The following DYSF variants were observed in gnomAD, a reference collection of about 807,000 sequenced individuals.
DYSF encodes the protein dystrophy-associated fer-1-like 1.
A neutral mutation model predicts 274.9 loss-of-function variants in DYSF; 212 were observed. The ratio of observed to expected loss-of-function variants is 0.77; its 90% CI spans 0.69 to 0.86. The LOEUF (loss-of-function observed/expected upper bound fraction) is 0.86. DYSF is among the 40% of genes least tolerant of loss of function. DYSF has a pLI of 0.00. For synonymous variants in DYSF, 1,091 were observed against 1,078.7 expected (o/e 1.01, Z -0.22); for missense variants, 2,666 against 2,783.2 (o/e 0.96, Z 0.95).
intron 33 of DYSF, 85 bp downstream of exon 33, chr2:71,598,830 A>G (rs1274409607): frequency 6.6e-7 from 1 of 1,521,524 alleles, no homozygotes; most frequent in African/African-American, 1.4e-5. Flanking sequence ...GTGGCTGCCC[A>G]GCCAGATGGG....
intron 41 of DYSF, among the ~76,000 whole-genome samples, chr2:71,638,547 T>G (rs2094441192): frequency 6.6e-6 from 1 of 152,240 alleles, no homozygotes; most frequent in Admixed American, 6.5e-5. Context: ...TATATTTGCC[T>G]ATTCTGGAGC....
intron 42 of DYSF, among the ~76,000 whole-genome samples, chr2:71,646,837 A>T (rs2094574497): frequency 6.6e-6 from 1 of 152,250 alleles, no homozygotes. Flanking sequence ...TAAAAGACAC[A>T]TCTAAAACAA....
chr2:71,592,512 C>A (rs543233587), intron 32 of DYSF, among the ~76,000 whole-genome samples: 12 of 152,256 alleles, frequency 7.9e-5, no homozygotes, highest in Non-Finnish European at 1.6e-4. Flanking sequence ...TAAACCAAAG[C>A]AATTTCTCCC....
chr2:71,541,662 A>G (rs2089941446), intron 17 of DYSF, among the ~76,000 whole-genome samples: 1 of 152,056 alleles, frequency 6.6e-6, no homozygotes, highest in Non-Finnish European at 1.5e-5. Flanking sequence ...TCTTATTTAA[A>G]TAATGAAAGT....
chr2:71,572,834 G>A (rs549847453), intron 29 of DYSF, among the ~76,000 whole-genome samples: 2 of 152,296 alleles, frequency 1.3e-5, no homozygotes, highest in South Asian at 2.1e-4. Flanking sequence ...GGATGGGTGC[G>A]CCACACGTGT....
intron 3 of DYSF, among the ~76,000 whole-genome samples, chr2:71,500,954 G>A (rs866469678): frequency 3.3e-5 from 5 of 152,212 alleles, no homozygotes; most frequent in Non-Finnish European, 5.9e-5. Flanking sequence ...CTCTGATGTC[G>A]CATGGACTCA....
At chr2:71,613,621 T>C (rs1413307625) in intron 40 of DYSF, among the ~76,000 whole-genome samples, 1 of 152,272 alleles carries the variant, frequency 6.6e-6, no homozygotes, top group Non-Finnish European at 1.5e-5. Context: ...TGGGCAAGAC[T>C]CAATCCCTTT....
intron 14 of DYSF, among the ~76,000 whole-genome samples, chr2:71,534,188 T>A (rs2089057495): frequency 6.6e-6 from 1 of 152,194 alleles, no homozygotes; most frequent in African/African-American, 2.4e-5. Context: ...AATGAGATAA[T>A]GCACATGAAA....
chr2:71,582,823 A>G (rs2152834350), intron 30 of DYSF, among the ~76,000 whole-genome samples: 1 of 152,258 alleles, frequency 6.6e-6, no homozygotes. Flanking sequence ...TAATATTTCC[A>G]TCACAGATAC....
intron 45 of DYSF, among the ~76,000 whole-genome samples, chr2:71,662,675 G>GCA: frequency 6.7e-6 from 1 of 149,424 alleles, no homozygotes; most frequent in South Asian, 2.3e-4. Flanking sequence ...ATGTGTCCGT[G>GCA]TATGTGTGTG....
chr2:71,607,139 C>CGGGGGTACTTAAGCT (rs2093662537), intron 36 of DYSF, among the ~76,000 whole-genome samples: 1 of 152,118 alleles, frequency 6.6e-6, no homozygotes, highest in African/African-American at 2.4e-5. Context: ...ATGGGAGCTA[C>CGGGGGTACTTAAGCT]GGGGGTACTT....
At chr2:71,570,824 G>C (rs2152815510) in intron 29 of DYSF, 83 bp downstream of exon 29, 2 of 1,573,742 alleles carry the variant, frequency 1.3e-6, no homozygotes, top group African/African-American at 1.3e-5. Flanking sequence ...CATGCCCACA[G>C]ACACATGCAT....
At chr2:71,466,672 C>T (rs1346341755), upstream of DYSF, 1 of 1,350,466 alleles carries the variant, frequency 7.4e-7, no homozygotes, top group Admixed American at 3.3e-5. Flanking sequence ...CCGGTGTCCT[C>T]CCTGCAGCCT....
intron 30 of DYSF, among the ~76,000 whole-genome samples, chr2:71,574,611 T>C (rs574241213): frequency 8.7e-4 from 132 of 152,318 alleles, no homozygotes; most frequent in African/African-American, 3.0e-3. Context: ...TGCTACTACT[T>C]TGAGGTGTCA....
chr2:71,484,978 C>T (rs986335326), intron 3 of DYSF, among the ~76,000 whole-genome samples: 3 of 152,282 alleles, frequency 2.0e-5, no homozygotes, highest in East Asian at 3.9e-4. Context: ...AACCAGTGCC[C>T]CATGTGAGCA....
chr2:71,553,228 C>T, intron 20 of DYSF, 40 bp downstream of exon 20: 1 of 1,612,848 alleles, frequency 6.2e-7, no homozygotes, highest in Non-Finnish European at 8.5e-7. Context: ...ATCACAGGAT[C>T]ATAGAGCAGG....
chr2:71,637,944 G>A lies in DYSF; in HGVS notation c.4528-6021G>A, dbSNP rs536424479. Among the ~76,000 whole-genome samples the A allele has an allele frequency of 5.9e-4, 90 of 152,234 alleles. 3 individuals are homozygous for A. The South Asian group carries it at 0.016, about 27-fold the overall frequency. ...GAGCAGCCGGCCAGCTGGTGTGGCCGGGAGGAAGGTCATAGGCCATTCGTC... is the reference window on the plus strand; with the variant it reads ...GAGCAGCCGGCCAGCTGGTGTGGCCAGGAGGAAGGTCATAGGCCATTCGTC... On this transcript the variant is annotated intron_variant, in intron 41 of 55. Transcript: ENST00000410020.
chr2:71,513,110 A>T (rs1261063065), intron 5 of DYSF, 130 bp from the exon 6 acceptor site: 1 of 858,562 alleles, frequency 1.2e-6, no homozygotes, highest in Non-Finnish European at 1.9e-6. Flanking sequence ...CTCCACAGCT[A>T]TTTCTGAGCT....
At chr2:71,568,870 TTC>T (rs1320294347) in intron 26 of DYSF, among the ~76,000 whole-genome samples, 3 of 150,080 alleles carry the variant, frequency 2.0e-5, no homozygotes, top group African/African-American at 7.4e-5. Context: ...CAGGCCTTTA[TTC>T]TCTCTCTTTT....
Sources: allele counts gnomAD v4.1 joint callset (sites outside exome capture counted in the v4.1 genomes callset), GRCh38; gene constraint gnomAD v4.1.1; transcripts MANE v1.5; gene names NCBI Gene and HGNC (gene_info 2026-07-23, HGNC 2026-07-21).